RBPMS: variants seen among roughly 807,000 people sequenced by gnomAD.
RBPMS encodes the protein RNA binding protein, mRNA processing factor, also known as RNA-binding protein with multiple splicing.
In RBPMS, 7 loss-of-function variants were observed where a neutral mutation model predicts 26.8. The observed-to-expected ratio is 0.26, with a 90% CI of 0.15 to 0.49. The LOEUF (loss-of-function observed/expected upper bound fraction) is 0.49, where lower values mean the gene tolerates loss of function less well. RBPMS is among the 20% of genes least tolerant of loss of function. The probability of loss-of-function intolerance (pLI) is 0.98; values close to 1 mark genes in which losing one functional copy is unlikely to be tolerated. For synonymous variants in RBPMS, 96 were observed against 93.3 expected, an observed-to-expected ratio of 1.03 and a Z score of -0.17; for missense variants, 186 against 250.0, an observed-to-expected ratio of 0.74 and a Z score of 1.73.
chr8:30,549,772 TTCTCTCTC>T (rs1181705539), intron 6 of RBPMS, among the ~76,000 whole-genome samples: 2 of 71,214 alleles, frequency 2.8e-5, no homozygotes, highest in Non-Finnish European at 5.1e-5. Flanking sequence ...TTTTCTTTTC[TTCTCTCTC>T]TCTCTCTCTC....
chr8:30,530,296 G>C lies in RBPMS; in HGVS notation c.398-14198G>C, dbSNP rs1585780614. On this transcript the variant is annotated intron_variant, in intron 5 of 8. Coordinates refer to ENST00000397323, the MANE Select transcript of RBPMS (RefSeq NM_001008710.3). ...GCAGAGAACTGGTAGCCTCAGTATTGAGAGTGAGGCTGACCTGAGTTTTGA... is the reference window on the plus strand; with the variant it reads ...GCAGAGAACTGGTAGCCTCAGTATTCAGAGTGAGGCTGACCTGAGTTTTGA... 1.3e-5 allele frequency among the ~76,000 whole-genome samples: 2 copies of C among 152,316 alleles called. 1 individual carries two copies.
At chr8:30,387,009 C>T (rs1197245992) in intron 1 of RBPMS, 1 of 152,176 alleles carries the variant, frequency 6.6e-6, no homozygotes, top group Non-Finnish European at 1.5e-5. Context: ...TTCCTGGACG[C>T]TCCTCCGTCC....
chr8:30,545,172 G>A (rs538771485), intron 6 of RBPMS: 2 of 1,299,394 alleles, frequency 1.5e-6, no homozygotes, highest in African/African-American at 3.0e-5. Context: ...AGGAAACCCT[G>A]TAGAAAAGGA....
chr8:30,559,040 T>C, intron 7 of RBPMS, 84 bp downstream of exon 7: 1 of 1,125,688 alleles, frequency 8.9e-7, no homozygotes, highest in South Asian at 1.2e-5. Flanking sequence ...GCAGCTCTCC[T>C]CCTTTCTCTG....
intron 4 of RBPMS, among the ~76,000 whole-genome samples, chr8:30,486,714 C>T (rs1434668593): frequency 6.6e-6 from 1 of 152,136 alleles, no homozygotes; most frequent in African/African-American, 2.4e-5. Context: ...CATCCTTTCC[C>T]TGGAGAATTA....
intron 6 of RBPMS, among the ~76,000 whole-genome samples, chr8:30,556,986 C>T (rs1401405026): frequency 6.6e-6 from 1 of 152,112 alleles, no homozygotes. Context: ...AAGTTTCTGA[C>T]CCTTGTCCCT....
intron 1 of RBPMS, among the ~76,000 whole-genome samples, chr8:30,470,522 T>C (rs1345496680): frequency 1.3e-5 from 2 of 152,242 alleles, no homozygotes; most frequent in Admixed American, 6.5e-5. Context: ...AGGAGGTCTC[T>C]AGGACTCCAA....
chr8:30,438,306 C>T (rs576222284), intron 1 of RBPMS, among the ~76,000 whole-genome samples: 7 of 152,276 alleles, frequency 4.6e-5, no homozygotes, highest in African/African-American at 1.7e-4. Context: ...TTATCAGGTA[C>T]AGAGTATAAC....
At chr8:30,529,629 C>T (rs977552359) in intron 5 of RBPMS, among the ~76,000 whole-genome samples, 2 of 152,194 alleles carry the variant, frequency 1.3e-5, no homozygotes, top group African/African-American at 2.4e-5. Flanking sequence ...TGTTAATTTG[C>T]CTCCTCTAGA....
intron 1 of RBPMS, among the ~76,000 whole-genome samples, chr8:30,419,027 A>G (rs2915612): frequency 0.17 from 25,732 of 150,366 alleles, 5,677 homozygotes; most frequent in African/African-American, 0.52. Context: ...CATTTGCTGT[A>G]AATGTCATCA....
chr8:30,475,259 T>C (rs1817565176), intron 2 of RBPMS, among the ~76,000 whole-genome samples: 1 of 152,244 alleles, frequency 6.6e-6, no homozygotes, highest in Non-Finnish European at 1.5e-5. Context: ...TAATATTTCC[T>C]GGTGTTTATT....
chr8:30,385,048 C>A lies in RBPMS; in HGVS notation c.-45C>A. 2 of 1,456,606 alleles carry A rather than the reference C, an allele frequency of 1.4e-6. No homozygotes were observed. The highest frequency in any genetic ancestry group is 1.8e-6 in the Non-Finnish European group (2 of 1,094,500). 90.2% of individuals were successfully genotyped at this position (1,456,606 alleles called of 1,614,324 possible). ...GTGGGCTAGCGCGCCCTCGCCCAGCCCCGCGCCCCAGCCCTGCCCGGCCCG... is the reference window on the plus strand; with the variant it reads ...GTGGGCTAGCGCGCCCTCGCCCAGCACCGCGCCCCAGCCCTGCCCGGCCCG... On this transcript the variant is annotated 5_prime_UTR_variant, in exon 1 of 9. Coordinates refer to ENST00000397323, the MANE Select transcript of RBPMS (RefSeq NM_001008710.3).
intron 3 of RBPMS, among the ~76,000 whole-genome samples, chr8:30,479,093 C>T (rs1174169396): frequency 6.6e-6 from 1 of 152,144 alleles, no homozygotes; most frequent in African/African-American, 2.4e-5. Context: ...CTCTAAATCC[C>T]CAGCTGTGCT....
intron 5 of RBPMS, among the ~76,000 whole-genome samples, chr8:30,519,546 C>T (rs866787796): frequency 1.1e-4 from 15 of 139,604 alleles, no homozygotes; most frequent in Middle Eastern, 4.4e-3. Flanking sequence ...TGCAGTGGTG[C>T]GATCTCGGCT....
intron 1 of RBPMS, among the ~76,000 whole-genome samples, chr8:30,468,131 A>G (rs1195305832): frequency 3.3e-5 from 5 of 152,202 alleles, no homozygotes; most frequent in Middle Eastern, 3.2e-3. Context: ...CTACTTACTC[A>G]GCTTTTTAAA....
intron 4 of RBPMS, among the ~76,000 whole-genome samples, chr8:30,481,499 C>T (rs1245536219): frequency 6.6e-6 from 1 of 151,808 alleles, no homozygotes; most frequent in Non-Finnish European, 1.5e-5. Context: ...GTTGTCTGGT[C>T]TTGAGGTCTG....
intron 1 of RBPMS, among the ~76,000 whole-genome samples, chr8:30,457,583 CTTTTTTTTTTTTTTT>C (rs77253053): frequency 0.71 from 94,260 of 133,538 alleles, 31,907 homozygotes; most frequent in Middle Eastern, 0.82. Flanking sequence ...GATTTACATT[CTTTTTTTTTTTTTTT>C]TTTTTTTTTT....
intron 5 of RBPMS, among the ~76,000 whole-genome samples, chr8:30,542,900 A>G (rs1343456518): frequency 6.6e-6 from 1 of 152,160 alleles, no homozygotes; most frequent in Non-Finnish European, 1.5e-5. Flanking sequence ...ACCCTAGAAC[A>G]CAGTAGATGC....
intron 4 of RBPMS, among the ~76,000 whole-genome samples, chr8:30,490,232 C>T (rs1374076297): frequency 1.3e-5 from 2 of 152,184 alleles, no homozygotes; most frequent in Non-Finnish European, 2.9e-5. Flanking sequence ...TCTTGGAGCT[C>T]ATCAGGGAAA....
Sources: gnomAD v4.1 joint callset for allele counts (sites outside exome capture counted in the v4.1 genomes callset) on GRCh38, gnomAD v4.1.1 for gene constraint, MANE v1.5 for transcripts, NCBI Gene and HGNC (gene_info 2026-07-23, HGNC 2026-07-21) for gene names.